Variants in KCND2 observed in about 807,000 individuals in gnomAD.
The protein encoded by KCND2 is A-type voltage-gated potassium channel KCND2.
KCND2 carries 16 observed loss-of-function variants against 54.4 expected under a neutral mutation model. That is an observed-to-expected ratio of 0.29 (90% CI 0.20 to 0.45). The LOEUF is 0.45. KCND2 is among the 20% of genes least tolerant of loss of function. The probability of loss-of-function intolerance (pLI) is 1.00; values close to 1 mark genes in which losing one functional copy is unlikely to be tolerated. For missense variants in KCND2, 486 were observed against 824.2 expected (o/e 0.59, Z 5.02); for synonymous variants, 317 against 310.7 (o/e 1.02, Z -0.21).
intron 1 of KCND2, among the ~76,000 whole-genome samples, chr7:120,647,388 G>A (rs534435974): frequency 9.2e-5 from 14 of 152,240 alleles, no homozygotes; most frequent in East Asian, 7.7e-4. Flanking sequence ...CAGATAAGGC[G>A]GGGATAGACC....
chr7:120,605,035 A>T (rs1792863944), intron 1 of KCND2, among the ~76,000 whole-genome samples: 1 of 152,160 alleles, frequency 6.6e-6, no homozygotes, highest in Admixed American at 6.6e-5. Flanking sequence ...TTAATTAATA[A>T]TCCACTTCAA....
At chr7:120,531,155 T>C (rs1160578132) in intron 1 of KCND2, among the ~76,000 whole-genome samples, 1 of 152,098 alleles carries the variant, frequency 6.6e-6, no homozygotes, top group Non-Finnish European at 1.5e-5. Context: ...CTCTAGTCAA[T>C]TCACACTTCT....
At position 120,742,563 on chromosome 7, in the gene KCND2, C is replaced by A. The variant is rs1431001998; in HGVS notation, c.1428C>A (p.Thr476=). ...FVSKSGSSFE[T]QHHHLLHCLE... is the part of the protein sequence containing the mutation. Reference sequence around the variant, plus strand: ...GCAAATCCGGCTCCAGCTTTGAAACCCAGCACCACCACCTGCTTCACTGCC... The same window carrying A: ...GCAAATCCGGCTCCAGCTTTGAAACACAGCACCACCACCTGCTTCACTGCC... Residue 476 remains threonine (T), a synonymous_variant, in exon 4 of 6, where the codon ACC becomes ACA. Coordinates refer to ENST00000331113, the MANE Select transcript of KCND2 (RefSeq NM_012281.3). 1 of 1,613,424 alleles carries A rather than the reference C, an allele frequency of 6.2e-7. No individual in the cohort carries two copies. The highest frequency in any genetic ancestry group is 8.5e-7 in the Non-Finnish European group (1 of 1,179,654).
At chr7:120,494,478 T>C (rs1802823670) in intron 1 of KCND2, among the ~76,000 whole-genome samples, 1 of 152,136 alleles carries the variant, frequency 6.6e-6, no homozygotes, top group Admixed American at 6.6e-5. Flanking sequence ...TATGTGTAGG[T>C]CAGACTAACA....
In KCND2 at chr7:120,653,731, T is replaced by C. The variant is rs1791767713; in HGVS notation, c.1116-79172T>C. Among the ~76,000 whole-genome samples, 6 of 152,238 alleles carry C rather than the reference T, an allele frequency of 3.9e-5. No homozygotes were observed. In the South Asian group the frequency reaches 1.2e-3, roughly 32 times the overall value. On this transcript the variant is annotated intron_variant, in intron 1 of 5. Transcript: ENST00000331113. ...AAACAAACAACAGTAACACACCTAC[T>C]ATGTGGCAATTGTTATGCTAAATAC...
chr7:120,462,050 T>C (rs1369025735), intron 1 of KCND2, among the ~76,000 whole-genome samples: 1 of 152,138 alleles, frequency 6.6e-6, no homozygotes, highest in Non-Finnish European at 1.5e-5. Flanking sequence ...CCATGGGATG[T>C]GTAAGAAGTG....
intron 1 of KCND2, among the ~76,000 whole-genome samples, chr7:120,593,946 C>T (rs1203961129): frequency 6.6e-6 from 1 of 152,188 alleles, no homozygotes; most frequent in Non-Finnish European, 1.5e-5. Context: ...GCTGCCTCTG[C>T]TGGCCTGCCC....
chr7:120,556,140 G>T (rs929559316), intron 1 of KCND2, among the ~76,000 whole-genome samples: 20 of 152,108 alleles, frequency 1.3e-4, no homozygotes, highest in African/African-American at 4.3e-4. Flanking sequence ...CAAAGAGATT[G>T]ATATTAGGTG....
intron 1 of KCND2, among the ~76,000 whole-genome samples, chr7:120,594,130 G>A (rs1327117701): frequency 1.3e-5 from 2 of 152,178 alleles, no homozygotes; most frequent in African/African-American, 2.4e-5. Flanking sequence ...AGGATCATCT[G>A]ATAAACTCTT....
At chr7:120,676,991 G>C (rs1272250076) in intron 1 of KCND2, among the ~76,000 whole-genome samples, 1 of 133,248 alleles carries the variant, frequency 7.5e-6, no homozygotes, top group African/African-American at 3.2e-5. Context: ...GTGAATTTGA[G>C]TTCTGATTAA....
intron 5 of KCND2, among the ~76,000 whole-genome samples, chr7:120,746,501 CA>C (rs2116192133): frequency 6.6e-6 from 1 of 152,178 alleles, no homozygotes; most frequent in South Asian, 2.1e-4. Flanking sequence ...TCATTTCTAT[CA>C]ATATATAATT....
rs565620322 is a variant in KCND2 at position 120,454,503 on chromosome 7, G to A, written c.1115+178756G>A. Among the ~76,000 whole-genome samples, 3 of 152,112 alleles carry A rather than the reference G, an allele frequency of 2.0e-5. No individual in the cohort carries two copies. In the South Asian group the frequency reaches 6.2e-4, roughly 32 times the overall value. Reference sequence around the variant, plus strand: ...ATGCAACCTCTCAAGATTCAACCAGGAACAAATTGAATCCCTGGACAAACC... The same window carrying A: ...ATGCAACCTCTCAAGATTCAACCAGAAACAAATTGAATCCCTGGACAAACC... On this transcript the variant is annotated intron_variant, in intron 1 of 5. Transcript: ENST00000331113.
intron 1 of KCND2, among the ~76,000 whole-genome samples, chr7:120,638,696 G>A (rs1033696456): frequency 1.4e-4 from 21 of 152,088 alleles, no homozygotes; most frequent in Non-Finnish European, 2.8e-4. Context: ...CTTACATACT[G>A]AGTGGGCCTA....
Position 120,384,983 on chromosome 7 carries a change from G to C in KCND2, c.1115+109236G>C, listed in dbSNP as rs188941164. 3.5e-3 allele frequency among the ~76,000 whole-genome samples: 488 copies of C among 141,344 alleles called. 1 individual carries two copies. Among genetic ancestry groups the C allele is most frequent in the African/African-American group, 0.011 (444 of 39,836 alleles). 92.7% of individuals were successfully genotyped at this position (141,344 alleles called of 152,430 possible). On this transcript the variant is annotated intron_variant, in intron 1 of 5. Transcript: ENST00000331113. ...GGTTACTTTTCTTTGTGTAAACAAA[G>C]GCATTTGTATATAACTTTTTTTTTT...
intron 1 of KCND2, among the ~76,000 whole-genome samples, chr7:120,635,334 G>T (rs1190326837): frequency 6.6e-6 from 1 of 152,164 alleles, no homozygotes; most frequent in African/African-American, 2.4e-5. Context: ...TTCATCTTGG[G>T]AACTATTGAG....
chr7:120,309,476 C>CAT (rs1554425449), intron 1 of KCND2, among the ~76,000 whole-genome samples: 1 of 78,754 alleles, frequency 1.3e-5, no homozygotes, highest in East Asian at 6.3e-4. Flanking sequence ...TATATATATA[C>CAT]ACACACACAC....
At chr7:120,410,881 C>A (rs1736641160) in intron 1 of KCND2, among the ~76,000 whole-genome samples, 1 of 151,824 alleles carries the variant, frequency 6.6e-6, no homozygotes, top group Non-Finnish European at 1.5e-5. Context: ...TGAACTCATC[C>A]TTTTTTATGG....
intron 1 of KCND2, among the ~76,000 whole-genome samples, chr7:120,729,044 CAG>C (rs1228361064): frequency 2.0e-5 from 3 of 152,186 alleles, no homozygotes; most frequent in African/African-American, 2.4e-5. Context: ...CACGGAATTT[CAG>C]AGAGATGTGA....
At chr7:120,596,557 C>T (rs1241450630) in intron 1 of KCND2, among the ~76,000 whole-genome samples, 1 of 151,996 alleles carries the variant, frequency 6.6e-6, no homozygotes, top group Non-Finnish European at 1.5e-5. Context: ...ATTGTATATG[C>T]CAAAGACAGA....
Sources: allele counts gnomAD v4.1 joint callset (sites outside exome capture counted in the v4.1 genomes callset), GRCh38; gene constraint gnomAD v4.1.1; transcripts MANE v1.5; gene names NCBI Gene and HGNC (gene_info 2026-07-23, HGNC 2026-07-21).